Variants in GPC5 observed in about 807,000 individuals in gnomAD.
The protein encoded by GPC5 is glypican 5.
In GPC5, 47 loss-of-function variants were observed where a neutral mutation model predicts 53.9. The ratio of observed to expected loss-of-function variants is 0.87; its 90% confidence interval spans 0.69 to 1.11. The LOEUF is 1.11. Among genes scored for constraint, GPC5 ranks in the 50% most tolerant of loss-of-function variants. The pLI, the probability that GPC5 is intolerant of heterozygous loss-of-function variation, is 0.00. For synonymous variants in GPC5, 286 were observed against 263.3 expected (o/e 1.09, Z -0.84); for missense variants, 748 against 713.1 (o/e 1.05, Z -0.56).
At chr13:92,728,690 T>A (rs1888715513) in intron 7 of GPC5, among the ~76,000 whole-genome samples, 1 of 151,460 alleles carries the variant, frequency 6.6e-6, no homozygotes, top group African/African-American at 2.4e-5. Flanking sequence ...CTTAAATAAC[T>A]GGGTAACATA....
chr13:91,938,814 A>G (rs1258562631), intron 6 of GPC5, among the ~76,000 whole-genome samples: 1 of 152,272 alleles, frequency 6.6e-6, no homozygotes, highest in Non-Finnish European at 1.5e-5. Context: ...TTAAATACAT[A>G]TTGGTATACA....
intron 5 of GPC5, among the ~76,000 whole-genome samples, chr13:91,803,089 A>G (rs1231340772): frequency 6.6e-5 from 10 of 152,186 alleles, no homozygotes. Context: ...AAACAATTTG[A>G]AGATGGGTTG....
At chr13:91,420,420 G>A (rs761580830) in intron 1 of GPC5, among the ~76,000 whole-genome samples, 2 of 152,070 alleles carry the variant, frequency 1.3e-5, no homozygotes, top group Non-Finnish European at 2.9e-5. Flanking sequence ...AGGAAACCAA[G>A]GAGTCTCCGT....
intron 2 of GPC5, among the ~76,000 whole-genome samples, chr13:91,477,939 G>C (rs1883022326): frequency 6.6e-6 from 1 of 152,162 alleles, no homozygotes; most frequent in Non-Finnish European, 1.5e-5. Flanking sequence ...TTTTTGGAAA[G>C]TGGGAAAGTA....
chr13:92,254,921 G>A (rs975158418), intron 7 of GPC5, among the ~76,000 whole-genome samples: 1 of 152,024 alleles, frequency 6.6e-6, no homozygotes, highest in African/African-American at 2.4e-5. Context: ...TTTGGGTGGG[G>A]ACACAGAGCC....
At chr13:91,984,884 G>T (rs2040392540) in intron 6 of GPC5, among the ~76,000 whole-genome samples, 1 of 152,084 alleles carries the variant, frequency 6.6e-6, no homozygotes, top group Non-Finnish European at 1.5e-5. Flanking sequence ...TTTGCTTTAT[G>T]GTGTAAAATA....
intron 2 of GPC5, among the ~76,000 whole-genome samples, chr13:91,453,270 G>A (rs1466088235): frequency 6.6e-6 from 1 of 151,822 alleles, no homozygotes; most frequent in Admixed American, 6.6e-5. Flanking sequence ...GGTGAATTGA[G>A]AATATGAATA....
intron 7 of GPC5, among the ~76,000 whole-genome samples, chr13:92,306,218 A>G (rs567900206): frequency 1.6e-4 from 24 of 152,282 alleles, no homozygotes; most frequent in Non-Finnish European, 1.5e-5. Context: ...TTAAAATGAA[A>G]TCTTGTGTGA....
intron 2 of GPC5, among the ~76,000 whole-genome samples, chr13:91,494,613 A>G (rs897562715): frequency 1.3e-5 from 2 of 152,144 alleles, no homozygotes; most frequent in Non-Finnish European, 2.9e-5. Context: ...AACACTTCTT[A>G]TCAATATCCC....
At chr13:92,317,512 G>C (rs1202499115) in intron 7 of GPC5, among the ~76,000 whole-genome samples, 1 of 151,072 alleles carries the variant, frequency 6.6e-6, no homozygotes, top group Non-Finnish European at 1.5e-5. Context: ...TTTTGTTTTT[G>C]AGACGCAATC....
At chr13:91,790,009 T>C (rs1225564660) in intron 5 of GPC5, among the ~76,000 whole-genome samples, 1 of 152,194 alleles carries the variant, frequency 6.6e-6, no homozygotes, top group African/African-American at 2.4e-5. Context: ...TAAGCCAGTC[T>C]TCAGAAAAAT....
At chr13:91,672,342 G>C (rs922925419) in intron 2 of GPC5, among the ~76,000 whole-genome samples, 2 of 152,162 alleles carry the variant, frequency 1.3e-5, no homozygotes, top group Non-Finnish European at 2.9e-5. Context: ...CTACCTATCT[G>C]ACAGAGGTCT....
At chr13:91,431,048 T>C (rs1289840883) in intron 1 of GPC5, among the ~76,000 whole-genome samples, 1 of 152,124 alleles carries the variant, frequency 6.6e-6, no homozygotes, top group Admixed American at 6.6e-5. Flanking sequence ...CTAATTTTTC[T>C]ATTTTTTGTA....
At chr13:91,793,841 A>G (rs778208418) in intron 5 of GPC5, among the ~76,000 whole-genome samples, 3 of 152,140 alleles carry the variant, frequency 2.0e-5, no homozygotes, top group South Asian at 2.1e-4. Flanking sequence ...CTCATTCACT[A>G]TCATGAGACC....
chr13:92,596,979 A>G (rs1010720128), intron 7 of GPC5, among the ~76,000 whole-genome samples: 9 of 152,198 alleles, frequency 5.9e-5, no homozygotes, highest in Non-Finnish European at 1.2e-4. Context: ...CAGCTATGAT[A>G]CGGAGAGACA....
intron 7 of GPC5, among the ~76,000 whole-genome samples, chr13:92,541,493 T>C (rs901054340): frequency 1.3e-5 from 2 of 151,908 alleles, no homozygotes; most frequent in South Asian, 2.1e-4. Flanking sequence ...AAATTCTTTT[T>C]ACTCAACTTC....
chr13:92,236,521 C>A (rs778065971), intron 7 of GPC5, among the ~76,000 whole-genome samples: 4 of 151,914 alleles, frequency 2.6e-5, no homozygotes, highest in Non-Finnish European at 5.9e-5. Flanking sequence ...TGTAACTGAA[C>A]TTCCCTCACT....
At chr13:91,846,733 T>C (rs2038853293) in intron 5 of GPC5, among the ~76,000 whole-genome samples, 1 of 152,194 alleles carries the variant, frequency 6.6e-6, no homozygotes, top group South Asian at 2.1e-4. Context: ...CCATTTTCTT[T>C]CATCAGATTG....
intron 7 of GPC5, among the ~76,000 whole-genome samples, chr13:92,843,207 C>A (rs1878490211): frequency 6.6e-6 from 1 of 152,162 alleles, no homozygotes; most frequent in Admixed American, 6.5e-5. Flanking sequence ...AATCTCTTAA[C>A]CACCCCAATT....
Sources: gnomAD v4.1 joint callset for allele counts (sites outside exome capture counted in the v4.1 genomes callset) on GRCh38, gnomAD v4.1.1 for gene constraint, MANE v1.5 for transcripts, NCBI Gene and HGNC (gene_info 2026-07-23, HGNC 2026-07-21) for gene names.